Variants in SART3 observed in about 807,000 individuals in gnomAD.
SART3 encodes the protein HIV-1 Tat-interacting protein of 110kDa.
Under a neutral mutation model 122.3 loss-of-function variants are expected in SART3, and 44 were observed. The ratio of observed to expected loss-of-function variants is 0.36; its 90% CI spans 0.28 to 0.46. The LOEUF (loss-of-function observed/expected upper bound fraction) is 0.46, where lower values mean the gene tolerates loss of function less well. SART3 is among the 20% of genes least tolerant of loss of function. The pLI, the probability that SART3 is intolerant of heterozygous loss-of-function variation, is 1.00. For synonymous variants in SART3, 442 were observed against 454.0 expected, an observed-to-expected ratio of 0.97 and a Z score of 0.34; for missense variants, 1,101 against 1,229.0, an observed-to-expected ratio of 0.90 and a Z score of 1.56.
chr12:108,537,643 T>A (rs1186742578), intron 8 of SART3, 48 bp from the exon 9 acceptor site: 2 of 1,381,476 alleles, frequency 1.4e-6, no homozygotes, highest in Non-Finnish European at 2.1e-6. Context: ...AAATGGAAAC[T>A]AATAGAAAGT....
chr12:108,523,589 C>T lies in SART3; in HGVS notation c.2760G>A (p.Leu920=), dbSNP rs1363795995. ...GAGGAGCTGCAGCACTTGGGCGCTG[C>T]AGGGCACGAGGCAGTAGAGACAGCT... is the stretch of plus-strand genomic sequence containing the variant. The part of the protein sequence containing the change: ...RTQLSLLPRA[L]QRPSAAAPQA... The change falls in exon 19 of 19, where the codon CTG becomes CTA. Residue 920 remains leucine, a synonymous_variant. Coordinates refer to ENST00000546815, the MANE Select transcript of SART3 (RefSeq NM_014706.4). 2 of 1,614,166 alleles carry T rather than the reference C, an allele frequency of 1.2e-6. No homozygotes were observed. Among genetic ancestry groups the T allele is most frequent in the East Asian group, 2.2e-5 (1 of 44,884 alleles).
rs908397332 is a variant in SART3, at chr12:108,560,966, G to A, written c.189C>T (p.Ser63=). ...TGGCGTACTCATCCCCATCGCTCTC[G>A]CTCACGCCTTCCTCCTGCTGATCCC... ...PAWDQQEEGV[S]ESDGDEYAMA... is the part of the protein sequence containing the mutation. The change falls in exon 1 of 19, where the codon AGC becomes AGT. Residue 63 remains serine, a synonymous_variant. Coordinates refer to ENST00000546815, the MANE Select transcript of SART3 (RefSeq NM_014706.4). 3.7e-6 allele frequency: 6 copies of A among 1,614,016 alleles called. No individual in the cohort carries two copies. The highest frequency in any genetic ancestry group is 1.3e-5 in the African/African-American group (1 of 75,042).
chr12:108,530,585 G>A lies in SART3; in HGVS notation c.1747-275C>T, dbSNP rs569536998. On this transcript the variant is annotated intron_variant, in intron 14 of 18. Coordinates refer to ENST00000546815, the MANE Select transcript of SART3 (RefSeq NM_014706.4). ...AAAATCCATAAAACTGGCCGGGCGC[G>A]GTGGCTCACGCCTGTAATCCCAGCA... 1.3e-4 allele frequency among the ~76,000 whole-genome samples: 20 copies of A among 152,212 alleles called. 1 individual carries two copies. In the South Asian group the frequency reaches 3.5e-3, roughly 27 times the overall value.
Position 108,535,445 on chromosome 12 carries a change from C to A in SART3, c.1470G>T (p.Gln490His), listed in dbSNP as rs1174861841. Residue 490 changes from glutamine (Q) to histidine (H), a missense_variant, in exon 12 of 19, where the codon CAG becomes CAT. By Grantham distance (24) the Gln-to-His change is conservative (BLOSUM62 0). This residue lies in a region of SART3 where 885 missense variants were observed against 1,080.1 expected (regional missense o/e 0.82). Transcript: ENST00000546815. ...RIEARLCNNM[Q>H]KARELWDSIM... Reference sequence around the variant, plus strand: ...TGCTATCCCAGAGTTCCCGAGCTTTCTGCATGTTATTGCACAGTCGAGCCT... The same window carrying A: ...TGCTATCCCAGAGTTCCCGAGCTTTATGCATGTTATTGCACAGTCGAGCCT... 3 of 1,614,154 alleles carry A rather than the reference C, an allele frequency of 1.9e-6. No individual in the cohort carries two copies. The Admixed American group carries it at 5.0e-5, about 27-fold the overall frequency.
rs368022272 is a variant in SART3, at chr12:108,536,544, G to A, written c.1416C>T (p.Cys472=). The change falls in exon 11 of 19, where the codon TGC becomes TGT. Residue 472 remains cysteine, a synonymous_variant. Transcript: ENST00000546815. ...ERFNESGDPS[C]VIMQNWARIE... ...TCCTAGCCCAGTTCTGCATAATCAC[G>A]CAGCTTGGATCACCACTCTCATTGA... 87 of 1,613,968 alleles carry A rather than the reference G, an allele frequency of 5.4e-5. No individual in the cohort carries two copies. The highest frequency in any genetic ancestry group is 7.0e-5 in the Non-Finnish European group (83 of 1,180,004).
intron 6 of SART3, among the ~76,000 whole-genome samples, chr12:108,541,126 G>A (rs1427354728): frequency 8.5e-5 from 13 of 152,172 alleles, no homozygotes; most frequent in Admixed American, 8.5e-4. Flanking sequence ...AAAGTGAAAA[G>A]GCAGTTGCAG....
chr12:108,536,264 A>G (rs931756885), intron 11 of SART3, among the ~76,000 whole-genome samples: 1 of 152,256 alleles, frequency 6.6e-6, no homozygotes, highest in Non-Finnish European at 1.5e-5. Flanking sequence ...GTGAATACCT[A>G]GCATCTAAAC....
chr12:108,538,421 C>T (rs1873010781), intron 7 of SART3, among the ~76,000 whole-genome samples: 1 of 152,182 alleles, frequency 6.6e-6, no homozygotes, highest in Admixed American at 6.5e-5. Context: ...CGTCAGCCAA[C>T]CCTACTGGAT....
At chr12:108,541,165 G>T (rs1376655853) in intron 6 of SART3, among the ~76,000 whole-genome samples, 1 of 152,216 alleles carries the variant, frequency 6.6e-6, no homozygotes, top group African/African-American at 2.4e-5. Context: ...CCAGCCCTTT[G>T]GGAGGCTGAG....
chr12:108,526,360 G>C lies in SART3; in HGVS notation c.2109C>G (p.Ser703Arg). 6.2e-6 allele frequency: 10 copies of C among 1,613,894 alleles called. No individual in the cohort carries two copies. Among genetic ancestry groups the C allele is most frequent in the Non-Finnish European group, 7.6e-6 (9 of 1,179,768 alleles). The change falls in exon 16 of 19, where the codon AGC becomes AGG. Residue 703 changes from serine (S) to arginine (R), a missense_variant. Around this residue, in one of 2 missense-constraint regions of SART3, gnomAD observed 885 missense variants for 1,080.1 expected, o/e 0.82. Transcript: ENST00000546815. ...PKVLHDSSKD[S>R]ITVFVSNLPY... ...GCAGGTTGCTGACAAAGACGGTGATGCTGTCCTTGCTGCTGTCGTGCAGCA... is the reference window on the plus strand; with the variant it reads ...GCAGGTTGCTGACAAAGACGGTGATCCTGTCCTTGCTGCTGTCGTGCAGCA...
In SART3 at chr12:108,560,923, T is replaced by G; in HGVS notation, c.232A>C (p.Ser78Arg). Residue 78 changes from serine (S) to arginine (R), a missense_variant, in exon 1 of 19, where the codon AGC (serine) becomes CGC (arginine). This residue lies in a region of SART3 where 216 missense variants were observed against 148.9 expected (regional missense o/e 1.45). Coordinates refer to ENST00000546815, the MANE Select transcript of SART3 (RefSeq NM_014706.4). ...TCCCACTCGTACTCCCCGGGGGAGC[T>G]CTCCGCGGAGGAAGCCATGGCGTAC... Reference protein sequence around the residue: ...DEYAMASSAESSPGEYEWEYD... With the variant: ...DEYAMASSAERSPGEYEWEYD... The G allele has an allele frequency of 6.2e-7, 1 of 1,613,812 alleles. No individual in the cohort carries two copies.
At chr12:108,548,896 G>T (rs1015379993) in intron 2 of SART3, among the ~76,000 whole-genome samples, 192 bp downstream of exon 2, 6 of 152,170 alleles carry the variant, frequency 3.9e-5, no homozygotes, top group Admixed American at 1.3e-4. Flanking sequence ...CAAAATCCGT[G>T]TTATATGATC....
intron 1 of SART3, among the ~76,000 whole-genome samples, chr12:108,552,940 AC>A (rs1271178510): frequency 3.3e-5 from 5 of 152,194 alleles, no homozygotes; most frequent in Non-Finnish European, 7.4e-5. Context: ...TGATACTAAA[AC>A]CTACAATACA....
At position 108,530,038 on chromosome 12, in the gene SART3, G is replaced by A. The variant is rs1647616906; in HGVS notation, c.1915+104C>T. The A allele has an allele frequency of 3.0e-5, 38 of 1,281,734 alleles. 1 individual carries two copies. The South Asian group carries it at 4.4e-4, about 15-fold the overall frequency. The allele number at this position is 1,281,734 out of a possible 1,614,324, so 79.4% of individuals were successfully genotyped here. A position where few individuals can be genotyped will look rare whatever the true frequency, so the allele number is the denominator to read the frequency against. On this transcript the variant is annotated intron_variant, in intron 15 of 18. Transcript: ENST00000546815. ...CCTAACAGTGATCAAAGGGTAATGG[G>A]TATCAAGCTGGTAACGGTTCAGGGA... is the stretch of plus-strand genomic sequence containing the variant.
chr12:108,526,625 G>A, intron 15 of SART3, 72 bp from the exon 16 acceptor site: 1 of 1,505,138 alleles, frequency 6.6e-7, no homozygotes, highest in South Asian at 1.1e-5. Flanking sequence ...ACAGAGGTGT[G>A]AAGTGAAAGT....
intron 1 of SART3, among the ~76,000 whole-genome samples, chr12:108,558,868 C>T (rs1207483819): frequency 1.3e-5 from 2 of 151,918 alleles, no homozygotes; most frequent in African/African-American, 2.4e-5. Context: ...CCCATCTCTA[C>T]TAAAAATAGT....
intron 12 of SART3, 126 bp from the exon 13 acceptor site, chr12:108,532,460 CT>C (rs1208766807): frequency 1.2e-5 from 9 of 735,508 alleles, no homozygotes; most frequent in Non-Finnish European, 1.9e-5. Context: ...AAGACCTTAG[CT>C]TTCAGATCTA....
At chr12:108,550,362 G>C in intron 1 of SART3, among the ~76,000 whole-genome samples, 1 of 152,156 alleles carries the variant, frequency 6.6e-6, no homozygotes, top group Non-Finnish European at 1.5e-5. Context: ...TAAATCATAT[G>C]TAATGGAACA....
chr12:108,549,202 C>T lies in SART3; in HGVS notation c.325G>A (p.Val109Ile), dbSNP rs762265733. Residue 109 changes from valine to isoleucine, a missense_variant, in exon 2 of 19, where the codon GTC (valine) becomes ATC (isoleucine). This residue lies in a region of SART3 where 216 missense variants were observed against 148.9 expected (regional missense o/e 1.45). Transcript: ENST00000546815. ...TCCACATGGCAGTTGTAGTCATAGA[C>T]GTTGATAGACAACTAACAGGAAAAG... is the stretch of plus-strand genomic sequence containing the variant. ...ERLEEQLSINVYDYNCHVDLI... is the reference protein window; with the variant it reads ...ERLEEQLSINIYDYNCHVDLI... The T allele has an allele frequency of 9.3e-6, 15 of 1,613,982 alleles. No homozygotes were observed. The highest frequency in any genetic ancestry group is 8.9e-5 in the East Asian group (4 of 44,892).
Sources: allele counts gnomAD v4.1 joint callset (sites outside exome capture counted in the v4.1 genomes callset), GRCh38; gene constraint gnomAD v4.1.1; regional missense constraint gnomAD v4.1.1; transcripts MANE v1.5; gene names NCBI Gene and HGNC (gene_info 2026-07-23, HGNC 2026-07-21).